The following NRXN1 variants were observed in gnomAD, a reference collection of about 807,000 sequenced individuals.
NRXN1 encodes neurexin-1.
A neutral mutation model predicts 150.9 loss-of-function variants in NRXN1; 39 were observed. That is an observed-to-expected ratio of 0.26 (90% CI 0.20 to 0.34). The LOEUF is 0.34. NRXN1 is among the 10% of genes least tolerant of loss of function. The probability of loss-of-function intolerance (pLI) is 1.00; values close to 1 mark genes in which losing one functional copy is unlikely to be tolerated. For synonymous variants in NRXN1, 924 were observed against 757.0 expected (o/e 1.22, Z -3.62); for missense variants, 1,815 against 1,949.9 (o/e 0.93, Z 1.30).
intron 21 of NRXN1, among the ~76,000 whole-genome samples, chr2:50,000,393 A>G (rs1002420515): frequency 2.0e-5 from 3 of 152,178 alleles, no homozygotes; most frequent in African/African-American, 7.2e-5. Context: ...TTGTCAATGG[A>G]AGCAGACATC....
At chr2:50,991,940 T>G (rs1698602084) in intron 2 of NRXN1, among the ~76,000 whole-genome samples, 1 of 152,060 alleles carries the variant, frequency 6.6e-6, no homozygotes, top group Admixed American at 6.6e-5. Flanking sequence ...GCATTTTATC[T>G]ATTTATATCA....
intron 17 of NRXN1, among the ~76,000 whole-genome samples, chr2:50,388,566 C>A (rs2081477082): frequency 6.6e-6 from 1 of 152,138 alleles, no homozygotes; most frequent in South Asian, 2.1e-4. Context: ...GGAAATGCTT[C>A]TCAGCAGGAA....
At chr2:50,726,931 C>T (rs1229446484) in intron 5 of NRXN1, among the ~76,000 whole-genome samples, 1 of 152,080 alleles carries the variant, frequency 6.6e-6, no homozygotes, top group African/African-American at 2.4e-5. Context: ...TATATATAGT[C>T]ATAAATATCA....
chr2:50,105,580 C>T (rs1253364965), intron 18 of NRXN1, among the ~76,000 whole-genome samples: 1 of 151,894 alleles, frequency 6.6e-6, no homozygotes, highest in Non-Finnish European at 1.5e-5. Context: ...CTCAAGCTTC[C>T]AATCAAATCC....
chr2:50,709,878 T>C (rs1054014327), intron 5 of NRXN1, among the ~76,000 whole-genome samples: 1 of 152,172 alleles, frequency 6.6e-6, no homozygotes, highest in African/African-American at 2.4e-5. Context: ...CACAAGGCTA[T>C]CAAGAATTCA....
At chr2:51,003,724 A>G (rs1371518273) in intron 2 of NRXN1, among the ~76,000 whole-genome samples, 5 of 152,068 alleles carry the variant, frequency 3.3e-5, no homozygotes, top group Admixed American at 2.6e-4. Context: ...TATTTCTGCC[A>G]CAAGGAAGGA....
intron 9 of NRXN1, among the ~76,000 whole-genome samples, chr2:50,539,634 G>A (rs527768753): frequency 1.3e-5 from 2 of 152,290 alleles, no homozygotes; most frequent in East Asian, 3.9e-4. Flanking sequence ...TTGTACAAAT[G>A]CAACCATGAT....
intron 2 of NRXN1, among the ~76,000 whole-genome samples, chr2:50,955,913 G>A (rs1252315095): frequency 3.3e-5 from 5 of 152,156 alleles, no homozygotes; most frequent in African/African-American, 4.8e-5. Context: ...AGGACAGTCC[G>A]TTTTCCCAGA....
At chr2:50,416,693 A>C (rs2104183013) in intron 17 of NRXN1, among the ~76,000 whole-genome samples, 2 of 152,154 alleles carry the variant, frequency 1.3e-5, no homozygotes, top group East Asian at 3.9e-4. Context: ...GTCCTTCTTC[A>C]CATGATGGCA....
chr2:49,922,721 C>G (rs538952350), intron 22 of NRXN1, among the ~76,000 whole-genome samples: 1 of 152,164 alleles, frequency 6.6e-6, no homozygotes, highest in African/African-American at 2.4e-5. Context: ...TCATATTCCC[C>G]TTGTATTTTA....
At chr2:50,484,794 G>C (rs1245326824) in intron 15 of NRXN1, among the ~76,000 whole-genome samples, 1 of 152,200 alleles carries the variant, frequency 6.6e-6, no homozygotes, top group African/African-American at 2.4e-5. Context: ...GAAATATCCA[G>C]TTCCTTTGCA....
chr2:50,977,742 T>G (rs914754152), intron 2 of NRXN1, among the ~76,000 whole-genome samples: 1 of 151,868 alleles, frequency 6.6e-6, no homozygotes, highest in Non-Finnish European at 1.5e-5. Context: ...CCAAAGGCAG[T>G]ATGCATTTAT....
chr2:50,063,903 C>T (rs938325950), intron 19 of NRXN1, among the ~76,000 whole-genome samples: 5 of 152,110 alleles, frequency 3.3e-5, no homozygotes, highest in African/African-American at 1.2e-4. Context: ...TGAACCCATA[C>T]AGTTATGCAA....
chr2:50,193,366 A>C (rs1470682975), intron 18 of NRXN1, among the ~76,000 whole-genome samples: 1 of 152,202 alleles, frequency 6.6e-6, no homozygotes, highest in African/African-American at 2.4e-5. Flanking sequence ...TCCCACTCAC[A>C]TCTTATGATT....
chr2:49,947,296 T>C (rs1673079037), intron 21 of NRXN1, among the ~76,000 whole-genome samples: 1 of 152,064 alleles, frequency 6.6e-6, no homozygotes, highest in Non-Finnish European at 1.5e-5. Flanking sequence ...GAGGAGGATA[T>C]AAATAAATTC....
In NRXN1 at chr2:50,131,209, G is replaced by C. The variant is rs1163820031; in HGVS notation, c.3547-39715C>G. On this transcript the variant is annotated intron_variant, in intron 18 of 22. Transcript: ENST00000401669. ...ACATGTTCATTATTAATCTTCAAGA[G>C]AATAATATTTATGCGGCCCTTTTCC... Among the ~76,000 whole-genome samples the C allele has an allele frequency of 3.3e-5, 5 of 152,244 alleles. No individual in the cohort carries two copies. In the East Asian group the frequency reaches 7.7e-4, roughly 24 times the overall value.
Position 50,012,430 on chromosome 2 carries a change from T to C in NRXN1, c.4128+40841A>G, listed in dbSNP as rs543525177. Among the ~76,000 whole-genome samples the C allele has an allele frequency of 2.0e-5, 3 of 152,264 alleles. No individual in the cohort carries two copies. In the South Asian group the frequency reaches 6.2e-4, roughly 32 times the overall value. The stretch of plus-strand genomic sequence containing the variant: ...TATAATTCATACAAAATATTAGTCA[T>C]GGTGTCATCTCTTCACCAATTCTAT... On this transcript the variant is annotated intron_variant, in intron 21 of 22. Transcript: ENST00000401669.
chr2:50,656,212 G>C, intron 5 of NRXN1: 1 of 543,118 alleles, frequency 1.8e-6, no homozygotes, highest in Non-Finnish European at 3.4e-6. Flanking sequence ...ACACACAAAA[G>C]CAAAGTGATC....
intron 17 of NRXN1, among the ~76,000 whole-genome samples, chr2:50,255,727 G>A (rs905121493): frequency 1.7e-4 from 26 of 151,974 alleles, no homozygotes; most frequent in Admixed American, 1.2e-3. Context: ...ATTTTAAATG[G>A]GTTATTGTAT....
Sources: allele counts gnomAD v4.1 joint callset (sites outside exome capture counted in the v4.1 genomes callset), GRCh38; gene constraint gnomAD v4.1.1; transcripts MANE v1.5; gene names NCBI Gene and HGNC (gene_info 2026-07-23, HGNC 2026-07-21).